CDH7: variants seen among roughly 807,000 people sequenced by gnomAD.
CDH7 encodes cadherin 7, also known as cadherin-7.
In CDH7, 25 loss-of-function variants were observed where a neutral mutation model predicts 71.8. That is an observed-to-expected ratio of 0.35 (90% CI 0.25 to 0.49). The LOEUF (loss-of-function observed/expected upper bound fraction) is 0.49, where lower values mean the gene tolerates loss of function less well. Among genes scored for constraint, CDH7 ranks in the 20% least tolerant of loss-of-function variants. CDH7 has a pLI of 0.99. For missense variants in CDH7, 862 were observed against 974.6 expected (o/e 0.88, Z 1.54); for synonymous variants, 381 against 363.8 (o/e 1.05, Z -0.54).
chr18:65,761,185 C>T (rs1380144217), intron 1 of CDH7, among the ~76,000 whole-genome samples: 3 of 152,040 alleles, frequency 2.0e-5, no homozygotes, highest in Non-Finnish European at 4.4e-5. Flanking sequence ...CTTAAATGCC[C>T]TCTGGAATAT....
chr18:65,864,949 C>G (rs1017044411), intron 11 of CDH7, among the ~76,000 whole-genome samples: 2 of 146,262 alleles, frequency 1.4e-5, no homozygotes, highest in Non-Finnish European at 3.0e-5. Context: ...AGCTTGAAGG[C>G]ACAGAATGAG....
chr18:65,755,525 G>A (rs907738341), intron 1 of CDH7, among the ~76,000 whole-genome samples: 6 of 152,148 alleles, frequency 3.9e-5, no homozygotes, highest in Admixed American at 3.9e-4. Context: ...GTCCTGAATA[G>A]TGTGGCTGGT....
At chr18:65,807,287 C>T (rs1332030004) in intron 2 of CDH7, among the ~76,000 whole-genome samples, 1 of 152,124 alleles carries the variant, frequency 6.6e-6, no homozygotes, top group Non-Finnish European at 1.5e-5. Flanking sequence ...TTGAAGTTCA[C>T]AGTCAGGGCT....
At chr18:65,829,457 A>T (rs1912253686) in intron 6 of CDH7, among the ~76,000 whole-genome samples, 1 of 83,284 alleles carries the variant, frequency 1.2e-5, no homozygotes, top group Non-Finnish European at 2.5e-5. Context: ...TGTTTGAAAT[A>T]GGTAAAATTA....
intron 1 of CDH7, among the ~76,000 whole-genome samples, chr18:65,759,740 G>T (rs1416142066): frequency 6.6e-6 from 1 of 152,124 alleles, no homozygotes; most frequent in East Asian, 1.9e-4. Flanking sequence ...GCAATCCAAG[G>T]TCGTACAAAG....
At chr18:65,867,577 T>C (rs1306609248) in intron 11 of CDH7, among the ~76,000 whole-genome samples, 3 of 152,204 alleles carry the variant, frequency 2.0e-5, no homozygotes, top group Non-Finnish European at 4.4e-5. Flanking sequence ...ATGGTTTCAA[T>C]ATTAAATATT....
chr18:65,871,383 G>A (rs1375970199), intron 11 of CDH7, among the ~76,000 whole-genome samples: 2 of 152,134 alleles, frequency 1.3e-5, no homozygotes, highest in African/African-American at 2.4e-5. Flanking sequence ...GGTAACTGAG[G>A]CAAGGAGAAG....
At position 65,888,264 on chromosome 18, in the gene CDH7, A is replaced by G. The variant is rs1914422849; in HGVS notation, c.*7370A>G. 6.6e-6 allele frequency: 1 copy of G among 152,210 alleles called. No individual in the cohort carries two copies. The highest frequency in any genetic ancestry group is 6.5e-5 in the Admixed American group (1 of 15,274). The allele number at this position is 152,210 out of a possible 1,614,324, so 9.4% of individuals were successfully genotyped here. ...GTGTACTCTGAATTGGAATAAGTGT[A>G]GGAAGACAAGCCGTGAGAATGTGAG... On this transcript the variant is annotated 3_prime_UTR_variant, in exon 12 of 12. Transcript: ENST00000397968.
chr18:65,855,316 CT>C (rs1913312723), intron 7 of CDH7, among the ~76,000 whole-genome samples: 1 of 148,438 alleles, frequency 6.7e-6, no homozygotes, highest in South Asian at 2.1e-4. Context: ...TTGAACAGAC[CT>C]AAATATTGAT....
chr18:65,860,276 A>G (rs1179115428), intron 10 of CDH7, among the ~76,000 whole-genome samples: 2 of 152,158 alleles, frequency 1.3e-5, no homozygotes, highest in African/African-American at 4.8e-5. Flanking sequence ...TTTTACATAA[A>G]TGCAAATGTA....
intron 2 of CDH7, chr18:65,803,610 A>G (rs1033013181): frequency 2.0e-5 from 3 of 152,182 alleles, no homozygotes; most frequent in African/African-American, 7.2e-5. Flanking sequence ...TTTATTCAAC[A>G]GCTTGATAAT....
intron 7 of CDH7, among the ~76,000 whole-genome samples, chr18:65,849,384 CTTTTCTTTTCTTTTCT>C (rs2144006590): frequency 8.7e-6 from 1 of 115,134 alleles, no homozygotes; most frequent in African/African-American, 3.9e-5. Flanking sequence ...CTTTTCTTTT[CTTTTCTTTTCTTTTCT>C]TTTCTTTTCT....
rs1222829821 is a variant in CDH7 at position 65,883,490 on chromosome 18, C to A, written c.*2596C>A. Reference sequence around the variant, plus strand: ...TAATATTAAGTCTAGTTGGAAAATTCTCCAAATATGATTTAAATAAATATA... The same window carrying A: ...TAATATTAAGTCTAGTTGGAAAATTATCCAAATATGATTTAAATAAATATA... On this transcript the variant is annotated 3_prime_UTR_variant, in exon 12 of 12. Coordinates refer to ENST00000397968, the MANE Select transcript of CDH7 (RefSeq NM_004361.5). 1 of 151,922 alleles carries A rather than the reference C, an allele frequency of 6.6e-6. No homozygotes were observed. The highest frequency in any genetic ancestry group is 2.4e-5 in the African/African-American group (1 of 41,384). 9.4% of individuals were successfully genotyped at this position (151,922 alleles called of 1,614,324 possible).
At chr18:65,871,945 C>T (rs1188512665) in intron 11 of CDH7, among the ~76,000 whole-genome samples, 1 of 151,920 alleles carries the variant, frequency 6.6e-6, no homozygotes, top group Non-Finnish European at 1.5e-5. Context: ...GGCAGTTGAA[C>T]CTGGGGTTTC....
At chr18:65,782,087 C>T (rs1340925246) in intron 2 of CDH7, among the ~76,000 whole-genome samples, 7 of 42,360 alleles carry the variant, frequency 1.7e-4, no homozygotes, top group South Asian at 1.0e-3. Context: ...TCTTTCCTTC[C>T]TTCCTTCCTT....
At chr18:65,760,420 C>T (rs2052596567) in intron 1 of CDH7, among the ~76,000 whole-genome samples, 1 of 152,128 alleles carries the variant, frequency 6.6e-6, no homozygotes, top group South Asian at 2.1e-4. Context: ...TCCAAAAGCT[C>T]ATTTGCTATT....
chr18:65,850,640 G>A (rs563459823), intron 7 of CDH7, among the ~76,000 whole-genome samples: 10 of 151,074 alleles, frequency 6.6e-5, no homozygotes, highest in South Asian at 2.1e-4. Context: ...ATATGTGGCC[G>A]TCTCTTCTCC....
intron 6 of CDH7, among the ~76,000 whole-genome samples, chr18:65,842,925 C>T (rs892030061): frequency 1.3e-5 from 2 of 150,516 alleles, no homozygotes; most frequent in Non-Finnish European, 2.9e-5. Context: ...GACAGTTTTG[C>T]AAGTGGTAAG....
chr18:65,804,507 C>T (rs949567776), intron 2 of CDH7, among the ~76,000 whole-genome samples: 4 of 151,918 alleles, frequency 2.6e-5, no homozygotes, highest in African/African-American at 7.3e-5. Context: ...AGTGGTAGAC[C>T]AGGTAGTTCA....
Sources: allele counts gnomAD v4.1 joint callset (sites outside exome capture counted in the v4.1 genomes callset), GRCh38; gene constraint gnomAD v4.1.1; transcripts MANE v1.5; gene names NCBI Gene and HGNC (gene_info 2026-07-23, HGNC 2026-07-21).